Variants in VAT1L observed in about 807,000 individuals in gnomAD.
VAT1L encodes the protein putative NADPH-dependent quinone oxidoreductase VAT1L.
Under a neutral mutation model 44.1 loss-of-function variants are expected in VAT1L, and 34 were observed. The observed-to-expected ratio is 0.77, with a 90% CI of 0.59 to 1.03. The LOEUF (loss-of-function observed/expected upper bound fraction) is 1.03. VAT1L is among the 50% of genes least tolerant of loss of function. The pLI, the probability that VAT1L is intolerant of heterozygous loss-of-function variation, is 0.00. For synonymous variants in VAT1L, 253 were observed against 202.2 expected, an observed-to-expected ratio of 1.25 and a Z score of -2.13; for missense variants, 615 against 538.8, an observed-to-expected ratio of 1.14 and a Z score of -1.40.
chr16:77,849,058 G>A (rs1351990436), intron 3 of VAT1L, among the ~76,000 whole-genome samples: 1 of 152,156 alleles, frequency 6.6e-6, no homozygotes, highest in African/African-American at 2.4e-5. Flanking sequence ...CGGACTAGGG[G>A]AGGGATAGCA....
chr16:77,853,838 T>C (rs1249251831), intron 3 of VAT1L, among the ~76,000 whole-genome samples: 2 of 152,026 alleles, frequency 1.3e-5, no homozygotes, highest in East Asian at 3.8e-4. Context: ...CCTACTTCTT[T>C]TGGGGATTAA....
chr16:77,950,402 C>A (rs1018832285), intron 7 of VAT1L, among the ~76,000 whole-genome samples: 2 of 74,624 alleles, frequency 2.7e-5, no homozygotes, highest in East Asian at 4.8e-4. Flanking sequence ...GAGCAAGATT[C>A]CATCTAAACA....
intron 4 of VAT1L, among the ~76,000 whole-genome samples, chr16:77,865,847 A>G (rs1425960480): frequency 6.6e-6 from 1 of 152,110 alleles, no homozygotes; most frequent in Non-Finnish European, 1.5e-5. Flanking sequence ...TCTTCTGAAA[A>G]AGTAATAGCC....
intron 7 of VAT1L, among the ~76,000 whole-genome samples, chr16:77,888,620 T>C (rs958055530): frequency 2.7e-4 from 41 of 152,310 alleles, no homozygotes; most frequent in Non-Finnish European, 5.4e-4. Flanking sequence ...GGCTGAATAA[T>C]TTTTTTGCTG....
chr16:77,937,490 C>T (rs2017816409), intron 7 of VAT1L, among the ~76,000 whole-genome samples: 1 of 152,280 alleles, frequency 6.6e-6, no homozygotes, highest in Non-Finnish European at 1.5e-5. Context: ...GACTTTCCCC[C>T]ACTACCTCCC....
At position 77,886,038 on chromosome 16, in the gene VAT1L, C is replaced by T. The variant is rs553588743; in HGVS notation, c.1077+1236C>T. 7.3e-5 allele frequency among the ~76,000 whole-genome samples: 11 copies of T among 151,154 alleles called. No homozygotes were observed. The East Asian group carries it at 1.5e-3, about 21-fold the overall frequency. The stretch of plus-strand genomic sequence containing the variant: ...CAGAAATTCCTAAATTAACCAAAAA[C>T]ATAAGGAGAAAATAAACTGCAAGTC... On this transcript the variant is annotated intron_variant, in intron 7 of 8. Transcript: ENST00000302536.
intron 7 of VAT1L, among the ~76,000 whole-genome samples, chr16:77,942,635 A>T (rs1431157300): frequency 3.3e-5 from 5 of 152,220 alleles, no homozygotes; most frequent in African/African-American, 9.6e-5. Context: ...CTCTCCCAAC[A>T]TAGAAGGATC....
At chr16:77,825,059 G>A (rs2016502727) in intron 2 of VAT1L, among the ~76,000 whole-genome samples, 187 bp from the exon 3 acceptor site, 1 of 151,906 alleles carries the variant, frequency 6.6e-6, no homozygotes, top group Non-Finnish European at 1.5e-5. Context: ...TAGAGATGGG[G>A]TTTTACCATG....
At chr16:77,911,024 T>A (rs1207210460) in intron 7 of VAT1L, among the ~76,000 whole-genome samples, 3 of 152,204 alleles carry the variant, frequency 2.0e-5, no homozygotes, top group Non-Finnish European at 4.4e-5. Flanking sequence ...CCATGCAACC[T>A]TGCTTGTAAC....
intron 3 of VAT1L, among the ~76,000 whole-genome samples, chr16:77,825,886 A>G (rs1294862083): frequency 2.7e-5 from 4 of 150,316 alleles, no homozygotes; most frequent in African/African-American, 4.9e-5. Context: ...AGCCGGGCGT[A>G]GTGGCAGGCG....
At chr16:77,794,724 A>T (rs1457708492) in intron 1 of VAT1L, among the ~76,000 whole-genome samples, 1 of 152,126 alleles carries the variant, frequency 6.6e-6, no homozygotes, top group East Asian at 1.9e-4. Context: ...TGACATGGAG[A>T]TTGGAATAAT....
chr16:77,836,475 G>T (rs1050211820), intron 3 of VAT1L, among the ~76,000 whole-genome samples: 1 of 152,056 alleles, frequency 6.6e-6, no homozygotes, highest in Middle Eastern at 3.2e-3. Context: ...CAGCAGGAAG[G>T]GCTATGGCTG....
At position 77,890,820 on chromosome 16, in the gene VAT1L, A is replaced by G. The variant is rs1488325026; in HGVS notation, c.1077+6018A>G. Among the ~76,000 whole-genome samples the G allele has an allele frequency of 2.0e-5, 3 of 151,130 alleles. No individual in the cohort carries two copies. In the East Asian group the frequency reaches 5.9e-4, roughly 30 times the overall value. ...ACACCTGTGGTCCCAGGTACTCAGG[A>G]GGCTGAGGTGGGAGGATGACTTGAG... On this transcript the variant is annotated intron_variant, in intron 7 of 8. Transcript: ENST00000302536.
chr16:77,853,715 G>A (rs1332355120), intron 3 of VAT1L, among the ~76,000 whole-genome samples: 4 of 152,146 alleles, frequency 2.6e-5, no homozygotes, highest in Admixed American at 6.5e-5. Flanking sequence ...CAAGTCCCCA[G>A]GTGATGTTGA....
chr16:77,802,859 T>C lies in VAT1L; in HGVS notation c.233+13944T>C, dbSNP rs112493702. ...CCCTTCATATCTAGTCTTTAATCTT[T>C]CAGGAGTAAATCCTTGCTTTTTTTT... On this transcript the variant is annotated intron_variant, in intron 1 of 8. Coordinates refer to ENST00000302536, the MANE Select transcript of VAT1L (RefSeq NM_020927.3). Among the ~76,000 whole-genome samples the C allele has an allele frequency of 2.1e-3, 315 of 152,272 alleles. 2 individuals are homozygous for C. The highest frequency in any genetic ancestry group is 7.3e-3 in the African/African-American group (303 of 41,578).
intron 7 of VAT1L, among the ~76,000 whole-genome samples, chr16:77,887,108 A>T (rs1197027987): frequency 2.0e-5 from 3 of 152,208 alleles, no homozygotes; most frequent in Non-Finnish European, 4.4e-5. Flanking sequence ...TGGAACATGA[A>T]AGAGGCAAGA....
chr16:77,831,545 A>G (rs537395793), intron 3 of VAT1L, among the ~76,000 whole-genome samples: 57 of 152,320 alleles, frequency 3.7e-4, no homozygotes, highest in Admixed American at 9.8e-4. Context: ...TAATCATGAT[A>G]AAACATAGTA....
At chr16:77,964,000 C>G (rs71396134) in intron 7 of VAT1L, among the ~76,000 whole-genome samples, 2 of 152,142 alleles carry the variant, frequency 1.3e-5, no homozygotes, top group East Asian at 1.9e-4. Flanking sequence ...GCCACACTCT[C>G]CACTTCCAGA....
At chr16:77,923,773 C>T (rs139905958) in intron 7 of VAT1L, among the ~76,000 whole-genome samples, 6 of 152,284 alleles carry the variant, frequency 3.9e-5, no homozygotes, top group African/African-American at 1.2e-4. Flanking sequence ...AGTGCCTTCA[C>T]TACACTGGGG....
Sources: gnomAD v4.1 joint callset for allele counts (sites outside exome capture counted in the v4.1 genomes callset) on GRCh38, gnomAD v4.1.1 for gene constraint, MANE v1.5 for transcripts, NCBI Gene and HGNC (gene_info 2026-07-23, HGNC 2026-07-21) for gene names.